The following PPP2R3A variants were observed in gnomAD, a reference collection of about 807,000 sequenced individuals.
The protein encoded by PPP2R3A is protein phosphatase 2 regulatory subunit B''alpha.
In PPP2R3A, 80 loss-of-function variants were observed where a neutral mutation model predicts 106.9. The ratio of observed to expected loss-of-function variants is 0.75; its 90% CI spans 0.62 to 0.90. PPP2R3A has a LOEUF of 0.90. Ranked by LOEUF, PPP2R3A falls within the 40% of genes least tolerant of loss-of-function variation. PPP2R3A has a pLI of 0.00. For synonymous variants in PPP2R3A, 483 were observed against 468.3 expected, an observed-to-expected ratio of 1.03 and a Z score of -0.41; for missense variants, 1,386 against 1,350.4, an observed-to-expected ratio of 1.03 and a Z score of -0.41.
At chr3:136,118,877 C>A (rs575044570) in intron 13 of PPP2R3A, among the ~76,000 whole-genome samples, 5 of 152,082 alleles carry the variant, frequency 3.3e-5, no homozygotes, top group Middle Eastern at 3.4e-3. Context: ...CTACTTTAAA[C>A]TTCATATGGA....
chr3:136,137,602 C>G (rs759642725), intron 13 of PPP2R3A, among the ~76,000 whole-genome samples: 1 of 123,666 alleles, frequency 8.1e-6, no homozygotes, highest in East Asian at 2.6e-4. Context: ...AGTGCAGTAG[C>G]GCGATCTCCG....
intron 3 of PPP2R3A, among the ~76,000 whole-genome samples, chr3:136,040,630 TA>T (rs1408688468): frequency 2.0e-5 from 3 of 152,200 alleles, no homozygotes; most frequent in Non-Finnish European, 4.4e-5. Flanking sequence ...GGAGAAAACA[TA>T]AATGAATTTC....
At chr3:136,063,603 G>A (rs183103779) in intron 5 of PPP2R3A, among the ~76,000 whole-genome samples, 150 of 152,140 alleles carry the variant, frequency 9.9e-4, no homozygotes, top group African/African-American at 2.7e-3. Context: ...AAAAGTGGAC[G>A]AAGGATATGA....
intron 7 of PPP2R3A, among the ~76,000 whole-genome samples, chr3:136,079,940 C>T (rs1027812173): frequency 6.6e-6 from 1 of 152,076 alleles, no homozygotes; most frequent in Non-Finnish European, 1.5e-5. Flanking sequence ...TTAAACAATA[C>T]TCATAAAACA....
chr3:135,974,349 A>T (rs28449384), intron 1 of PPP2R3A, among the ~76,000 whole-genome samples: 35,135 of 152,218 alleles, frequency 0.23, 4,882 homozygotes, highest in Non-Finnish European at 0.32. Context: ...TCTCCAAGTT[A>T]GGAAGGAAAT....
intron 13 of PPP2R3A, among the ~76,000 whole-genome samples, chr3:136,140,094 TC>T (rs1453039318): frequency 2.6e-5 from 4 of 152,108 alleles, no homozygotes; most frequent in African/African-American, 9.6e-5. Context: ...TCTGCTTTAA[TC>T]CTCTGACCCC....
In PPP2R3A at chr3:136,118,347, A is replaced by G. The variant is rs1034879435; in HGVS notation, c.3329+12025A>G. On this transcript the variant is annotated intron_variant, in intron 13 of 13. Transcript: ENST00000264977. ...ACAAGGATGTCCTCTCACCACTCGT[A>G]TTCAACATAGTATTTGAAGTTCTGC... Among the ~76,000 whole-genome samples the G allele has an allele frequency of 7.2e-5, 11 of 152,230 alleles. No homozygotes were observed. The South Asian group carries it at 2.1e-3, about 29-fold the overall frequency.
chr3:135,982,290 C>T (rs1471036748), intron 1 of PPP2R3A, among the ~76,000 whole-genome samples: 1 of 148,954 alleles, frequency 6.7e-6, no homozygotes, highest in Admixed American at 6.6e-5. Context: ...TCTACTGGGT[C>T]ATCGGGTTCT....
chr3:136,092,092 GC>G (rs1183056112), intron 10 of PPP2R3A, among the ~76,000 whole-genome samples: 1 of 152,180 alleles, frequency 6.6e-6, no homozygotes, highest in Non-Finnish European at 1.5e-5. Context: ...ACTTTGGGAG[GC>G]CGAGGTGGGC....
intron 5 of PPP2R3A, among the ~76,000 whole-genome samples, chr3:136,061,092 T>C (rs957683093): frequency 5.9e-5 from 9 of 152,128 alleles, no homozygotes; most frequent in Non-Finnish European, 1.2e-4. Flanking sequence ...AAAAAGCTGT[T>C]AGAATTTTAA....
At chr3:136,051,907 G>A (rs1434145912) in intron 5 of PPP2R3A, among the ~76,000 whole-genome samples, 1 of 152,116 alleles carries the variant, frequency 6.6e-6, no homozygotes, top group Non-Finnish European at 1.5e-5. Flanking sequence ...GTTTGGTTCT[G>A]ATTTTATTTT....
chr3:136,046,387 G>A (rs1935470916), intron 4 of PPP2R3A, among the ~76,000 whole-genome samples: 1 of 151,948 alleles, frequency 6.6e-6, no homozygotes, highest in Non-Finnish European at 1.5e-5. Flanking sequence ...CTGGGAGGCA[G>A]AGGTTGCAGT....
In PPP2R3A at chr3:136,104,328, CAG is replaced by C. The variant is rs533199479; in HGVS notation, c.3222+955_3222+956del. Among the ~76,000 whole-genome samples the C allele has an allele frequency of 2.1e-5, 3 of 145,610 alleles. No homozygotes were observed. The South Asian group carries it at 6.3e-4, about 31-fold the overall frequency. On this transcript the variant is annotated intron_variant, in intron 12 of 13. Transcript: ENST00000264977. ...TGTGTGTGTGTGTGTGTGTGTGTGA[CAG>C]AGTTTCGCTCTTGTTGCCCAGGCTG...
At chr3:136,107,269 C>T (rs1034657879) in intron 13 of PPP2R3A, among the ~76,000 whole-genome samples, 1 of 150,232 alleles carries the variant, frequency 6.7e-6, no homozygotes, top group Non-Finnish European at 1.5e-5. Flanking sequence ...TTTGAACAGG[C>T]ACTATTCATA....
At chr3:136,061,089 T>C (rs1936060729) in intron 5 of PPP2R3A, among the ~76,000 whole-genome samples, 1 of 152,178 alleles carries the variant, frequency 6.6e-6, no homozygotes, top group Non-Finnish European at 1.5e-5. Context: ...AAGAAAAAGC[T>C]GTTAGAATTT....
intron 2 of PPP2R3A, among the ~76,000 whole-genome samples, chr3:136,011,994 T>TACACAC (rs35643220): frequency 0.032 from 4,680 of 148,246 alleles, 227 homozygotes; most frequent in African/African-American, 0.1. Flanking sequence ...CACACACACA[T>TACACAC]ACACACACAC....
At chr3:136,027,155 T>TC in intron 3 of PPP2R3A, 57 bp downstream of exon 3, 2 of 1,466,598 alleles carry the variant, frequency 1.4e-6, no homozygotes, top group Non-Finnish European at 1.8e-6. Context: ...CCTGATCCCC[T>TC]CCCCTTCTCT....
At chr3:136,116,685 G>T (rs1937776101) in intron 13 of PPP2R3A, among the ~76,000 whole-genome samples, 1 of 152,202 alleles carries the variant, frequency 6.6e-6, no homozygotes, top group African/African-American at 2.4e-5. Flanking sequence ...GCAACAAGAA[G>T]AGCTGACTGT....
chr3:136,048,119 G>A (rs570751480), intron 4 of PPP2R3A, among the ~76,000 whole-genome samples: 142 of 151,906 alleles, frequency 9.3e-4, no homozygotes, highest in Non-Finnish European at 1.2e-3. Context: ...AAAAAAAAAA[G>A]TTATTCCAAT....
Sources: gnomAD v4.1 joint callset for allele counts (sites outside exome capture counted in the v4.1 genomes callset) on GRCh38, gnomAD v4.1.1 for gene constraint, MANE v1.5 for transcripts, NCBI Gene and HGNC (gene_info 2026-07-23, HGNC 2026-07-21) for gene names.